Variants in ANKRD44 observed in about 807,000 individuals in gnomAD.
ANKRD44 encodes the protein ankyrin repeat domain 44, also known as serine/threonine-protein phosphatase 6 regulatory ankyrin repeat subunit B.
Under a neutral mutation model 116.0 loss-of-function variants are expected in ANKRD44, and 35 were observed. The ratio of observed to expected loss-of-function variants is 0.30; its 90% CI spans 0.23 to 0.40. ANKRD44 has a LOEUF of 0.40. Among genes scored for constraint, ANKRD44 ranks in the 10% least tolerant of loss-of-function variants. ANKRD44 has a pLI of 1.00. For synonymous variants in ANKRD44, 435 were observed against 461.8 expected (o/e 0.94, Z 0.74); for missense variants, 1,014 against 1,242.6 (o/e 0.82, Z 2.77).
At chr2:197,175,910 T>TAATAGGAACCC (rs149862230) in intron 2 of ANKRD44, among the ~76,000 whole-genome samples, 13,347 of 152,168 alleles carry the variant, frequency 0.088, 784 homozygotes, top group Non-Finnish European at 0.13. Context: ...CTTGCTTTCA[T>TAATAGGAACCC]AATAGGAACC....
At chr2:197,078,010 T>A (rs539922763) in intron 16 of ANKRD44, 2 of 152,118 alleles carry the variant, frequency 1.3e-5, no homozygotes, top group Non-Finnish European at 2.9e-5. Context: ...AGATATTGCA[T>A]GCGATATGTT....
intron 1 of ANKRD44, among the ~76,000 whole-genome samples, chr2:197,210,372 A>G (rs1249187844): frequency 6.6e-6 from 1 of 152,184 alleles, no homozygotes; most frequent in African/African-American, 2.4e-5. Context: ...TCTTCCGTTT[A>G]CAGATGAGAA....
In ANKRD44 at chr2:197,235,092, C is replaced by G. The variant is rs140130665; in HGVS notation, c.28-47986G>C. On this transcript the variant is annotated intron_variant, in intron 1 of 27. Coordinates refer to ENST00000282272, the MANE Select transcript of ANKRD44 (RefSeq NM_001195144.2). ...TTAAACTAAGCTTCAACACTTCTCA[C>G]TCCCCTCTCTCAGACAGTGGTAAGA... Among the ~76,000 whole-genome samples, 255 of 152,324 alleles carry G rather than the reference C, an allele frequency of 1.7e-3. 1 individual carries two copies. The highest frequency in any genetic ancestry group is 6.0e-3 in the African/African-American group (248 of 41,560).
chr2:197,186,935 T>A, intron 2 of ANKRD44, 88 bp downstream of exon 2: 2 of 1,029,910 alleles, frequency 1.9e-6, no homozygotes, highest in Non-Finnish European at 3.0e-6. Context: ...TCACCAGATA[T>A]CAAGAGTCCA....
chr2:196,999,076 C>T (rs750311352), intron 23 of ANKRD44, 24 bp from the exon 24 acceptor site: 23 of 1,610,640 alleles, frequency 1.4e-5, no homozygotes, highest in Admixed American at 6.7e-5. Context: ...ACAAGTATCA[C>T]TTTAGTTTCC....
chr2:196,990,779 C>T (rs2075900580), intron 27 of ANKRD44: 1 of 1,232,162 alleles, frequency 8.1e-7, no homozygotes, highest in Non-Finnish European at 1.0e-6. Context: ...TGGAGAGGGT[C>T]GTCCTGCTCA....
chr2:197,122,845 T>G, intron 6 of ANKRD44, 53 bp from the exon 7 acceptor site: 1 of 1,579,502 alleles, frequency 6.3e-7, no homozygotes, highest in Non-Finnish European at 8.6e-7. Flanking sequence ...GACAATTTGC[T>G]GATTCATTTC....
At chr2:197,199,238 C>A (rs760713197) in intron 1 of ANKRD44, 2 of 152,128 alleles carry the variant, frequency 1.3e-5, no homozygotes, top group Admixed American at 6.5e-5. Flanking sequence ...CTTTACGTAA[C>A]GAGCTGAAAG....
chr2:197,226,609 A>C (rs1195893756), intron 1 of ANKRD44, among the ~76,000 whole-genome samples: 1 of 152,092 alleles, frequency 6.6e-6, no homozygotes, highest in Non-Finnish European at 1.5e-5. Flanking sequence ...GGTTGCAGTG[A>C]GCTCAGATCG....
chr2:197,141,337 T>C (rs916871068), intron 3 of ANKRD44, among the ~76,000 whole-genome samples: 7 of 152,230 alleles, frequency 4.6e-5, no homozygotes, highest in African/African-American at 1.7e-4. Flanking sequence ...CCATTTGTAA[T>C]TCATTTTCTG....
chr2:197,164,853 T>A (rs1028000753), intron 2 of ANKRD44, among the ~76,000 whole-genome samples: 3 of 152,114 alleles, frequency 2.0e-5, no homozygotes, highest in Non-Finnish European at 4.4e-5. Context: ...CTACCTTGGT[T>A]TTTAGCCATC....
chr2:197,257,033 C>A (rs1157779266), intron 1 of ANKRD44, among the ~76,000 whole-genome samples: 2 of 148,466 alleles, frequency 1.3e-5, no homozygotes, highest in Non-Finnish European at 1.5e-5. Context: ...AGCTCATCTT[C>A]AAAAAAAAAA....
chr2:197,110,674 C>T, intron 9 of ANKRD44, 92 bp downstream of exon 9: 2 of 1,031,860 alleles, frequency 1.9e-6, no homozygotes, highest in East Asian at 4.8e-5. Flanking sequence ...AACTCCAAAA[C>T]AGGGCATCGA....
At chr2:197,221,704 G>A (rs561905968) in intron 1 of ANKRD44, among the ~76,000 whole-genome samples, 72 of 152,292 alleles carry the variant, frequency 4.7e-4, no homozygotes, top group African/African-American at 1.5e-3. Flanking sequence ...CCAGAAGGTC[G>A]TTGGTAATGG....
chr2:197,253,489 T>G (rs2082368761), intron 1 of ANKRD44, among the ~76,000 whole-genome samples: 1 of 152,194 alleles, frequency 6.6e-6, no homozygotes, highest in East Asian at 1.9e-4. Flanking sequence ...AGTAGGTGGT[T>G]TAATAATGTC....
intron 2 of ANKRD44, among the ~76,000 whole-genome samples, chr2:197,156,121 C>A (rs557624265): frequency 1.5e-4 from 23 of 152,132 alleles, no homozygotes; most frequent in Non-Finnish European, 2.8e-4. Context: ...CCAAGGCGGG[C>A]GGATCACGAG....
intron 1 of ANKRD44, among the ~76,000 whole-genome samples, chr2:197,232,128 A>G (rs1431563874): frequency 3.3e-5 from 5 of 152,184 alleles, no homozygotes; most frequent in Admixed American, 2.0e-4. Context: ...AAGAAACCCA[A>G]TGTTCAAAGG....
intron 3 of ANKRD44, among the ~76,000 whole-genome samples, chr2:197,137,637 T>C (rs2079252047): frequency 6.6e-6 from 1 of 152,170 alleles, no homozygotes; most frequent in African/African-American, 2.4e-5. Context: ...GAAGAACAAA[T>C]GCCATCAACA....
intron 15 of ANKRD44, among the ~76,000 whole-genome samples, chr2:197,080,547 T>A (rs1017105563): frequency 6.6e-6 from 1 of 152,196 alleles, no homozygotes; most frequent in Non-Finnish European, 1.5e-5. Flanking sequence ...AAAGGAAGCG[T>A]TTGCTGCAGT....
Sources: allele counts gnomAD v4.1 joint callset (sites outside exome capture counted in the v4.1 genomes callset), GRCh38; gene constraint gnomAD v4.1.1; transcripts MANE v1.5; gene names NCBI Gene and HGNC (gene_info 2026-07-23, HGNC 2026-07-21).